The following CLCA4 variants were observed in gnomAD, a reference collection of about 807,000 sequenced individuals.
CLCA4 encodes the protein chloride channel accessory 4, also known as calcium-activated chloride channel regulator 4.
In CLCA4, 69 loss-of-function variants were observed where a neutral mutation model predicts 78.9. That is an observed-to-expected ratio of 0.87 (90% CI 0.72 to 1.07). CLCA4 has a LOEUF of 1.07. CLCA4 is among the 50% of genes least tolerant of loss of function. CLCA4 has a pLI of 0.00. For synonymous variants in CLCA4, 362 were observed against 375.8 expected (o/e 0.96, Z 0.42); for missense variants, 1,133 against 1,095.8 (o/e 1.03, Z -0.48).
intron 11 of CLCA4, among the ~76,000 whole-genome samples, chr1:86,575,936 C>G (rs1482975601): frequency 6.6e-6 from 1 of 151,676 alleles, no homozygotes; most frequent in Non-Finnish European, 1.5e-5. Context: ...ACTAAAAGTA[C>G]AAAAAATTAG....
At chr1:86,571,279 G>A in intron 8 of CLCA4, 25 bp downstream of exon 8, 2 of 1,592,638 alleles carry the variant, frequency 1.3e-6, no homozygotes, top group South Asian at 1.1e-5. Context: ...ATTTATTCCA[G>A]GCCTTCAATA....
chr1:86,569,171 A>C (rs1650280907), intron 7 of CLCA4, among the ~76,000 whole-genome samples: 1 of 152,082 alleles, frequency 6.6e-6, no homozygotes, highest in Non-Finnish European at 1.5e-5. Context: ...TGTTGTGAAT[A>C]AACGAAACAG....
chr1:86,553,388 T>A (rs768608787), intron 1 of CLCA4: 22 of 497,116 alleles, frequency 4.4e-5, no homozygotes, highest in Non-Finnish European at 7.2e-5. Context: ...GTCTCGTGCA[T>A]CCCACACGAA....
intron 12 of CLCA4, 130 bp downstream of exon 12, chr1:86,578,202 A>T: frequency 1.2e-6 from 1 of 852,594 alleles, no homozygotes; most frequent in Non-Finnish European, 1.7e-6. Flanking sequence ...TAAAGTTCTC[A>T]GTCATACTAG....
At chr1:86,576,476 C>T (rs1022831404) in intron 11 of CLCA4, among the ~76,000 whole-genome samples, 2 of 152,086 alleles carry the variant, frequency 1.3e-5, no homozygotes, top group Admixed American at 6.6e-5. Context: ...AGCCACCATG[C>T]CTGGCCATAC....
intron 1 of CLCA4, among the ~76,000 whole-genome samples, chr1:86,556,745 G>A (rs1449585056): frequency 6.6e-6 from 1 of 152,188 alleles, no homozygotes; most frequent in Non-Finnish European, 1.5e-5. Flanking sequence ...TTTTGGAATA[G>A]TTTCAGTAGG....
intron 8 of CLCA4, 34 bp downstream of exon 8, chr1:86,571,288 T>A: frequency 6.4e-7 from 1 of 1,566,922 alleles, no homozygotes; most frequent in Non-Finnish European, 8.7e-7. Flanking sequence ...AGGCCTTCAA[T>A]AGTAATGCAT....
intron 7 of CLCA4, 26 bp from the exon 8 acceptor site, chr1:86,571,051 A>G: frequency 1.3e-6 from 2 of 1,563,102 alleles, no homozygotes; most frequent in African/African-American, 1.4e-5. Context: ...ATCTGTTGGT[A>G]ACTGTGCTCT....
chr1:86,563,658 C>G lies in CLCA4; in HGVS notation c.449-3C>G. 3.9e-6 allele frequency: 6 copies of G among 1,521,396 alleles called. No homozygotes were observed. Among genetic ancestry groups the G allele is most frequent in the Non-Finnish European group, 4.5e-6 (5 of 1,118,280 alleles). 94.2% of individuals were successfully genotyped at this position (1,521,396 alleles called of 1,614,324 possible). Reference sequence around the variant, plus strand: ...ATCATGTATTTGAAATGCTTTCCCACAGGCAAACTGTTTGTCCATGAGTGG... The same window carrying G: ...ATCATGTATTTGAAATGCTTTCCCAGAGGCAAACTGTTTGTCCATGAGTGG... On this transcript the variant is annotated splice_polypyrimidine_tract_variant and splice_region_variant and intron_variant, in intron 3 of 13. Transcript: ENST00000370563.
At chr1:86,578,541 T>G (rs1650602324) in intron 12 of CLCA4, among the ~76,000 whole-genome samples, 2 of 152,074 alleles carry the variant, frequency 1.3e-5, no homozygotes, top group African/African-American at 4.8e-5. Context: ...CACTTATAAG[T>G]GAGAACACGC....
intron 5 of CLCA4, 73 bp downstream of exon 5, chr1:86,565,524 C>T (rs1005024648): frequency 4.5e-5 from 54 of 1,204,708 alleles, no homozygotes; most frequent in Non-Finnish European, 5.6e-5. Flanking sequence ...AGTATCTGTT[C>T]AGGTGACCTG....
intron 10 of CLCA4, among the ~76,000 whole-genome samples, chr1:86,575,016 G>A (rs1423205964): frequency 6.6e-6 from 1 of 152,010 alleles, no homozygotes; most frequent in Admixed American, 6.6e-5. Flanking sequence ...ATGCAAATTG[G>A]TGGGTAGAGA....
Position 86,571,241 on chromosome 1 carries a change from G to T in CLCA4, c.1347G>T (p.Met449Ile). 1.2e-6 allele frequency: 2 copies of T among 1,611,490 alleles called. No homozygotes were observed. Among genetic ancestry groups the T allele is most frequent in the South Asian group, 2.2e-5 (2 of 90,852 alleles). Residue 449 changes from methionine (M) to isoleucine (I), a missense_variant, in exon 8 of 14, where the codon ATG becomes ATT. By Grantham distance (10) the Met-to-Ile change is conservative. Coordinates refer to ENST00000370563, the MANE Select transcript of CLCA4 (RefSeq NM_012128.4). ...CTGCTGATGAAGCAGTAATAGAGAT[G>T]AGCAAGATAACAGGTAAAACACGAT... is the stretch of plus-strand genomic sequence containing the variant. ...GRAADEAVIEMSKITGGSHFY... is the reference protein window; with the variant it reads ...GRAADEAVIEISKITGGSHFY...
chr1:86,575,309 T>C, intron 10 of CLCA4, 23 bp from the exon 11 acceptor site: 1 of 1,596,768 alleles, frequency 6.3e-7, no homozygotes. Flanking sequence ...GGATACTTAC[T>C]ATATTTCTGT....
At chr1:86,567,128 T>C (rs568622905) in intron 6 of CLCA4, among the ~76,000 whole-genome samples, 1 of 151,960 alleles carries the variant, frequency 6.6e-6, no homozygotes, top group East Asian at 1.9e-4. Flanking sequence ...AAGATGTGTC[T>C]CCTCACCCCA....
chr1:86,554,288 TA>T (rs1437182047), intron 1 of CLCA4, among the ~76,000 whole-genome samples: 2 of 152,212 alleles, frequency 1.3e-5, no homozygotes, highest in East Asian at 3.8e-4. Context: ...GATAATAGCC[TA>T]CAGCTCCACC....
Position 86,571,064 on chromosome 1 carries a change from A to G in CLCA4, c.1183-13A>G. On this transcript the variant is annotated splice_polypyrimidine_tract_variant and intron_variant, in intron 7 of 13. Transcript: ENST00000370563. The stretch of plus-strand genomic sequence containing the variant: ...ACATCTGTTGGTAACTGTGCTCTGC[A>G]TTATGTTTGCAGGTGATTGGAGAGC... 3 of 1,598,822 alleles carry G rather than the reference A, an allele frequency of 1.9e-6. No individual in the cohort carries two copies. The highest frequency in any genetic ancestry group is 2.6e-6 in the Non-Finnish European group (3 of 1,168,594).
chr1:86,559,861 T>C, intron 1 of CLCA4, 71 bp from the exon 2 acceptor site: 1 of 1,234,182 alleles, frequency 8.1e-7, no homozygotes, highest in Non-Finnish European at 1.2e-6. Context: ...GGGAAATGCC[T>C]GTCACAAAAC....
chr1:86,551,216 T>C (rs1018627572), intron 1 of CLCA4, among the ~76,000 whole-genome samples: 7 of 152,204 alleles, frequency 4.6e-5, no homozygotes, highest in African/African-American at 1.4e-4. Context: ...ATCATTGTTA[T>C]ATTCGTTCAT....
Sources: gnomAD v4.1 joint callset for allele counts (sites outside exome capture counted in the v4.1 genomes callset) on GRCh38, gnomAD v4.1.1 for gene constraint, MANE v1.5 for transcripts, NCBI Gene and HGNC (gene_info 2026-07-23, HGNC 2026-07-21) for gene names.